The following YJU2 variants were observed in gnomAD, a reference collection of about 807,000 sequenced individuals.
YJU2 encodes the protein splicing factor YJU2.
A neutral mutation model predicts 39.6 loss-of-function variants in YJU2; 28 were observed. That is an observed-to-expected ratio of 0.71 (90% CI 0.52 to 0.97). The LOEUF (loss-of-function observed/expected upper bound fraction) is 0.97, where lower values mean the gene tolerates loss of function less well. Ranked by LOEUF, YJU2 falls within the 50% of genes least tolerant of loss-of-function variation. The probability of loss-of-function intolerance (pLI) is 0.00; values close to 1 mark genes in which losing one functional copy is unlikely to be tolerated. For missense variants in YJU2, 328 were observed against 430.4 expected (o/e 0.76, Z 2.11); for synonymous variants, 184 against 182.4 (o/e 1.01, Z -0.07).
At chr19:4,261,280 C>T (rs1240337172) in intron 5 of YJU2, among the ~76,000 whole-genome samples, 2 of 152,206 alleles carry the variant, frequency 1.3e-5, no homozygotes, top group African/African-American at 4.8e-5. Context: ...TAAACCACTC[C>T]CAGAATTAGA....
chr19:4,251,547 G>A (rs1223291068), intron 3 of YJU2, among the ~76,000 whole-genome samples: 1 of 152,036 alleles, frequency 6.6e-6, no homozygotes, highest in Non-Finnish European at 1.5e-5. Context: ...AAATTACTGG[G>A]CATGGTGGCG....
chr19:4,255,398 A>G (rs1352531082), intron 4 of YJU2, among the ~76,000 whole-genome samples: 1 of 152,050 alleles, frequency 6.6e-6, no homozygotes, highest in African/African-American at 2.4e-5. Flanking sequence ...AGCCTGGGCA[A>G]CATAGTGAGA....
chr19:4,249,816 C>G (rs1329247496), intron 2 of YJU2, among the ~76,000 whole-genome samples: 1 of 152,016 alleles, frequency 6.6e-6, no homozygotes, highest in African/African-American at 2.4e-5. Context: ...AAGCGATTCT[C>G]CTGCCTCAGC....
Position 4,262,066 on chromosome 19 carries a change from G to T in YJU2, c.660G>T (p.Ser220=). 6.2e-7 allele frequency: 1 copy of T among 1,612,302 alleles called. No individual in the cohort carries two copies. Among genetic ancestry groups the T allele is most frequent in the Non-Finnish European group, 8.5e-7 (1 of 1,179,962 alleles). The change falls in exon 6 of 8, where the codon TCG becomes TCT. Residue 220 remains serine, a synonymous_variant. Coordinates refer to ENST00000262962, the MANE Select transcript of YJU2 (RefSeq NM_018074.6). ...DSDSEDEAAP[S]PLQPALRPNP... ...ACTCAGAGGATGAGGCTGCTCCCTCGCCCCTGCAGCCAGCCCTTCGGCCCA... is the reference window on the plus strand; with the variant it reads ...ACTCAGAGGATGAGGCTGCTCCCTCTCCCCTGCAGCCAGCCCTTCGGCCCA...
rs1568364799 is a variant in YJU2, at chr19:4,267,611, C to G, written c.709-13C>G. ...CCGGGCCAGACCCCCACATGTGTCCCCATCACCTGCAGGCCCCAAAGCCCA... is the reference window on the plus strand; with the variant it reads ...CCGGGCCAGACCCCCACATGTGTCCGCATCACCTGCAGGCCCCAAAGCCCA... On this transcript the variant is annotated splice_polypyrimidine_tract_variant and intron_variant, in intron 6 of 7. Coordinates refer to ENST00000262962, the MANE Select transcript of YJU2 (RefSeq NM_018074.6). 3.1e-6 allele frequency: 5 copies of G among 1,610,788 alleles called. No homozygotes were observed. Among genetic ancestry groups the G allele is most frequent in the Non-Finnish European group, 3.4e-6 (4 of 1,178,848 alleles).
rs1324380956 is a variant in YJU2 at position 4,249,261 on chromosome 19, A to T, written c.58A>T (p.Ile20Phe). The change falls in exon 2 of 8, where the codon ATC becomes TTC. Residue 20 changes from isoleucine to phenylalanine, a missense_variant. Around this residue, in one of 2 missense-constraint regions of YJU2, gnomAD observed 84 missense variants for 165.8 expected, o/e 0.51. Coordinates refer to ENST00000262962, the MANE Select transcript of YJU2 (RefSeq NM_018074.6). ...CCCGCCGGACTTTGACCCATCAAAG[A>T]TCCCCAAACTCAAGCTCCCCAAAGA... ...YYPPDFDPSKIPKLKLPKDRQ... is the reference protein window; with the variant it reads ...YYPPDFDPSKFPKLKLPKDRQ... The T allele has an allele frequency of 1.9e-6, 3 of 1,613,580 alleles. No homozygotes were observed. Among genetic ancestry groups the T allele is most frequent in the Non-Finnish European group, 2.5e-6 (3 of 1,179,836 alleles).
intron 4 of YJU2, among the ~76,000 whole-genome samples, chr19:4,254,819 AG>A (rs1427974742): frequency 6.6e-6 from 1 of 151,928 alleles, no homozygotes; most frequent in African/African-American, 2.4e-5. Context: ...GCACTTTTGG[AG>A]GCCGAAGTGG....
chr19:4,256,385 A>C (rs1039242783), intron 4 of YJU2, among the ~76,000 whole-genome samples: 2 of 151,824 alleles, frequency 1.3e-5, no homozygotes, highest in Non-Finnish European at 2.9e-5. Flanking sequence ...CAGACCAGAT[A>C]CAACATTTTC....
chr19:4,256,181 A>AAAAAT (rs1001505791), intron 4 of YJU2, among the ~76,000 whole-genome samples: 83 of 125,878 alleles, frequency 6.6e-4, no homozygotes, highest in African/African-American at 2.4e-3. Context: ...AAAAAAAAAA[A>AAAAAT]ATATATATAT....
rs759476036 is a variant in YJU2 at position 4,268,591 on chromosome 19, G to A, written c.867G>A (p.Pro289=). The part of the protein sequence containing the change: ...QPQAAPTPGA[P]QNRKEANPTP... ...CTCTCGCTCTCCCACCAGGAGCCCC[G>A]CAGAACAGGAAGGAGGCCAACCCTA... is the stretch of plus-strand genomic sequence containing the variant. Residue 289 remains proline (P), a synonymous_variant, in exon 8 of 8, where the codon CCG becomes CCA. Coordinates refer to ENST00000262962, the MANE Select transcript of YJU2 (RefSeq NM_018074.6). The A allele has an allele frequency of 8.8e-5, 141 of 1,610,940 alleles. No individual in the cohort carries two copies. The highest frequency in any genetic ancestry group is 1.2e-4 in the Non-Finnish European group (137 of 1,178,510).
At chr19:4,256,169 CA>C (rs368146793) in intron 4 of YJU2, among the ~76,000 whole-genome samples, 16 of 117,804 alleles carry the variant, frequency 1.4e-4, no homozygotes, top group Non-Finnish European at 1.7e-4. Flanking sequence ...AAGACTGTCG[CA>C]AAAAAAAAAA....
chr19:4,267,624 G>T lies in YJU2; in HGVS notation c.709G>T (p.Ala237Ser). 3 of 1,611,822 alleles carry T rather than the reference G, an allele frequency of 1.9e-6. No homozygotes were observed. The highest frequency in any genetic ancestry group is 2.5e-6 in the Non-Finnish European group (3 of 1,179,170). ...CCACATGTGTCCCCATCACCTGCAG[G>T]CCCCAAAGCCCAAGAGGAAGGTGGA... ...RPNPTAILDEAPKPKRKVEVW... is the reference protein window; with the variant it reads ...RPNPTAILDESPKPKRKVEVW... The change falls in exon 7 of 8, where the codon GCC (alanine) becomes TCC (serine). Residue 237 changes from alanine (A) to serine (S), a missense_variant and splice_region_variant. Physicochemically the swap from Ala to Ser is moderately conservative, Grantham distance 99. Coordinates refer to ENST00000262962, the MANE Select transcript of YJU2 (RefSeq NM_018074.6).
At position 4,263,971 on chromosome 19, in the gene YJU2, G is replaced by A. The variant is rs1360139611; in HGVS notation, c.708+1857G>A. Among the ~76,000 whole-genome samples the A allele has an allele frequency of 2.0e-5, 3 of 151,382 alleles. No individual in the cohort carries two copies. In the East Asian group the frequency reaches 5.9e-4, roughly 30 times the overall value. ...ACCAATAACACAGACACACAGAAAC[G>A]ATTGTTCTCGGCCGGGCGCGGTGGC... On this transcript the variant is annotated intron_variant, in intron 6 of 7. Transcript: ENST00000262962.
chr19:4,251,808 G>A (rs539946097), intron 3 of YJU2, among the ~76,000 whole-genome samples: 328 of 151,724 alleles, frequency 2.2e-3, no homozygotes, highest in Middle Eastern at 0.017. Context: ...CCAACATGGT[G>A]AAACCCCGTC....
rs1970939659 is a variant in YJU2, at chr19:4,247,645, GTGTGTGTGTGTGT to G, written c.24+476_24+488del. Among the ~76,000 whole-genome samples the G allele has an allele frequency of 1.0e-3, 70 of 67,680 alleles. 9 individuals carry two copies. Among genetic ancestry groups the G allele is most frequent in the Admixed American group, 2.1e-3 (14 of 6,594 alleles). The allele number at this position is 67,680 out of a possible 152,430, so 44.4% of individuals were successfully genotyped here. A position where few individuals can be genotyped will look rare whatever the true frequency, so the allele number is the denominator to read the frequency against. ...TGTGTGTGTGTGTGTGTGTGTGTGTGTGTGTGTGTGTGTGTGTGTGTGTGTGTGTGTGTGTGTG... is the reference window on the plus strand; with the variant it reads ...TGTGTGTGTGTGTGTGTGTGTGTGTGGTGTGTGTGTGTGTGTGTGTGTGTG... On this transcript the variant is annotated intron_variant, in intron 1 of 7. Coordinates refer to ENST00000262962, the MANE Select transcript of YJU2 (RefSeq NM_018074.6).
In YJU2 at chr19:4,251,186, C is replaced by T. The variant is rs78321346; in HGVS notation, c.270+15C>T. The T allele has an allele frequency of 6.4e-4, 1,032 of 1,610,276 alleles. 9 individuals carry two copies. In the African/African-American group the frequency reaches 0.012, roughly 19 times the overall value. ...TCACCTTCAAGGTAGGTGAGACGGCCGGCCAGGCCGGTCCCTCTCCCCCAG... is the reference window on the plus strand; with the variant it reads ...TCACCTTCAAGGTAGGTGAGACGGCTGGCCAGGCCGGTCCCTCTCCCCCAG... On this transcript the variant is annotated intron_variant, in intron 3 of 7. Transcript: ENST00000262962.
chr19:4,256,187 T>A (rs1435577372), intron 4 of YJU2, among the ~76,000 whole-genome samples: 413 of 111,256 alleles, frequency 3.7e-3, no homozygotes, highest in East Asian at 0.011. Context: ...AAAAAATATA[T>A]ATATATATAT....
chr19:4,247,639 GTGTGTGTGTGTGTGTGTGTGTGTGTGT>G lies in YJU2; in HGVS notation c.24+470_24+496del, dbSNP rs1568359643. 3.6e-3 allele frequency among the ~76,000 whole-genome samples: 241 copies of G among 66,694 alleles called. 9 individuals carry two copies. Among genetic ancestry groups the G allele is most frequent in the South Asian group, 0.012 (15 of 1,234 alleles). 43.8% of individuals were successfully genotyped at this position (66,694 alleles called of 152,430 possible). On this transcript the variant is annotated intron_variant, in intron 1 of 7. Coordinates refer to ENST00000262962, the MANE Select transcript of YJU2 (RefSeq NM_018074.6). ...TGTGTGTGTGTGTGTGTGTGTGTGTGTGTGTGTGTGTGTGTGTGTGTGTGTGTGTGTGTGTGTGTGTGTGTGTGTGTG... is the reference window on the plus strand; with the variant it reads ...TGTGTGTGTGTGTGTGTGTGTGTGTGGTGTGTGTGTGTGTGTGTGTGTGTG...
chr19:4,255,411 C>G (rs1971011678), intron 4 of YJU2, among the ~76,000 whole-genome samples: 1 of 151,832 alleles, frequency 6.6e-6, no homozygotes, highest in Non-Finnish European at 1.5e-5. Context: ...TAGTGAGACT[C>G]TGTCTCTATA....
Sources: gnomAD v4.1 joint callset for allele counts (sites outside exome capture counted in the v4.1 genomes callset) on GRCh38, gnomAD v4.1.1 for gene constraint, gnomAD v4.1.1 regional missense constraint, MANE v1.5 for transcripts, NCBI Gene and HGNC (gene_info 2026-07-23, HGNC 2026-07-21) for gene names.